NOS2: variants seen among roughly 807,000 people sequenced by gnomAD.
NOS2 encodes nitric oxide synthase 2.
A neutral mutation model predicts 136.0 loss-of-function variants in NOS2; 96 were observed. That is an observed-to-expected ratio of 0.71 (90% CI 0.60 to 0.84). The LOEUF is 0.84. NOS2 is among the 40% of genes least tolerant of loss of function. The probability of loss-of-function intolerance (pLI) is 0.00; values close to 1 mark genes in which losing one functional copy is unlikely to be tolerated. For synonymous variants in NOS2, 539 were observed against 587.5 expected, an observed-to-expected ratio of 0.92 and a Z score of 1.20; for missense variants, 1,237 against 1,496.9, an observed-to-expected ratio of 0.83 and a Z score of 2.87.
At position 27,773,247 on chromosome 17, in the gene NOS2, C is replaced by A. The variant is rs769702624; in HGVS notation, c.1477-4G>T. On this transcript the variant is annotated splice_region_variant and splice_polypyrimidine_tract_variant and intron_variant, in intron 12 of 26. Coordinates refer to ENST00000313735, the MANE Select transcript of NOS2 (RefSeq NM_000625.4). ...CATGGGTTTTCCAGGCCTCTACCTTCAGAAAAGAAAGGAGATGTGAGGGCA... is the reference window on the plus strand; with the variant it reads ...CATGGGTTTTCCAGGCCTCTACCTTAAGAAAAGAAAGGAGATGTGAGGGCA... 6.2e-6 allele frequency: 10 copies of A among 1,611,786 alleles called. No homozygotes were observed. Among genetic ancestry groups the A allele is most frequent in the Non-Finnish European group, 7.6e-6 (9 of 1,178,590 alleles).
In NOS2 at chr17:27,769,518, A is replaced by G; in HGVS notation, c.1859+17T>C. On this transcript the variant is annotated intron_variant, in intron 16 of 26. Transcript: ENST00000313735. The stretch of plus-strand genomic sequence containing the variant: ...CACAGGGCAGGGCTAGGAGTAGGAC[A>G]ACGGAAAAAGCTTTACCTGAATTTG... 1 of 1,611,090 alleles carries G rather than the reference A, an allele frequency of 6.2e-7. No individual in the cohort carries two copies. The highest frequency in any genetic ancestry group is 1.8e-4 in the Middle Eastern group (1 of 5,518).
intron 5 of NOS2, among the ~76,000 whole-genome samples, chr17:27,787,362 T>G (rs28942370): frequency 0.11 from 16,170 of 152,248 alleles, 1,000 homozygotes; most frequent in South Asian, 0.22. Context: ...CATTTTATAT[T>G]AGGTTGGTGC....
In NOS2 at chr17:27,759,787, C is replaced by G. The variant is rs547201131; in HGVS notation, c.3159+243G>C. On this transcript the variant is annotated intron_variant, in intron 25 of 26. Coordinates refer to ENST00000313735, the MANE Select transcript of NOS2 (RefSeq NM_000625.4). ...CAGGGGGCCTGCTGGGGACCTTCAG[C>G]AGGCTGGGCTCTGGGGTTAACCCGC... Among the ~76,000 whole-genome samples the G allele has an allele frequency of 2.0e-4, 30 of 152,304 alleles. No homozygotes were observed. In the South Asian group the frequency reaches 5.0e-3, roughly 25 times the overall value.
chr17:27,763,199 C>T (rs1908192100), intron 21 of NOS2, among the ~76,000 whole-genome samples, 194 bp from the exon 22 acceptor site: 1 of 152,218 alleles, frequency 6.6e-6, no homozygotes, highest in Admixed American at 6.5e-5. Context: ...CAGTCCAGTA[C>T]ATTTATCTAA....
At position 27,771,989 on chromosome 17, in the gene NOS2, A is replaced by G. The variant is rs188335535; in HGVS notation, c.1704+319T>C. ...CTTACTCATCTCTTCCCCCTTTCAC[A>G]TGCAGCACTGCATCCTGCAGAGCAG... On this transcript the variant is annotated intron_variant, in intron 14 of 26. Coordinates refer to ENST00000313735, the MANE Select transcript of NOS2 (RefSeq NM_000625.4). Among the ~76,000 whole-genome samples, 9 of 152,342 alleles carry G rather than the reference A, an allele frequency of 5.9e-5. No individual in the cohort carries two copies. In the East Asian group the frequency reaches 1.7e-3, roughly 29 times the overall value.
intron 26 of NOS2, 144 bp from the exon 27 acceptor site, chr17:27,757,497 G>T: frequency 1.4e-6 from 1 of 693,826 alleles, no homozygotes; most frequent in South Asian, 1.8e-5. Context: ...ATCTGGTTTA[G>T]ACCCTAACCC....
intron 24 of NOS2, 72 bp downstream of exon 24, chr17:27,760,551 G>A (rs1908085686): frequency 1.3e-6 from 2 of 1,544,056 alleles, no homozygotes; most frequent in Non-Finnish European, 8.8e-7. Flanking sequence ...CCGTTTGTGG[G>A]GCTGCAGTTC....
At position 27,769,698 on chromosome 17, in the gene NOS2, C is replaced by A. The variant is rs3730228; in HGVS notation, c.1810-114G>T. ...GCAGGAGAAGGCTCACAGCCCACCA[C>A]GGAAGTTGGTTTACATATGGGGCTA... On this transcript the variant is annotated intron_variant, in intron 15 of 26. Transcript: ENST00000313735. 993 of 912,898 alleles carry A rather than the reference C, an allele frequency of 1.1e-3. 2 individuals are homozygous for A. Among genetic ancestry groups the A allele is most frequent in the Non-Finnish European group, 1.7e-3 (945 of 555,644 alleles). 56.5% of individuals were successfully genotyped at this position (912,898 alleles called of 1,614,324 possible).
Position 27,766,513 on chromosome 17 carries a change from G to A in NOS2, c.2243C>T (p.Ser748Phe), listed in dbSNP as rs1294046156. The change falls in exon 19 of 27, where the codon TCC becomes TTC. Residue 748 changes from serine (S) to phenylalanine (F), a missense_variant. Around this residue, in one of 3 missense-constraint regions of NOS2, gnomAD observed 782 missense variants for 909.9 expected, o/e 0.86. Transcript: ENST00000313735. Reference sequence around the variant, plus strand: ...GAAGCCCTGCACTTTCCCTTACCTGGATGTCGGACTTTGTAGATTCTGCCG... The same window carrying A: ...GAAGCCCTGCACTTTCCCTTACCTGAATGTCGGACTTTGTAGATTCTGCCG... ...KSRQNLQSPT[S>F]SRATILVELS... 1 of 1,613,380 alleles carries A rather than the reference G, an allele frequency of 6.2e-7. No homozygotes were observed. Among genetic ancestry groups the A allele is most frequent in the Non-Finnish European group, 8.5e-7 (1 of 1,179,406 alleles).
intron 19 of NOS2, 105 bp downstream of exon 19, chr17:27,766,405 A>C (rs1908304158): frequency 3.8e-6 from 4 of 1,039,202 alleles, no homozygotes; most frequent in Non-Finnish European, 6.0e-6. Flanking sequence ...TAATGCCAGC[A>C]TATGCTCTTC....
chr17:27,792,815 CA>C (rs34992777), intron 2 of NOS2, among the ~76,000 whole-genome samples: 185 of 52,508 alleles, frequency 3.5e-3, no homozygotes, highest in Admixed American at 5.3e-3. Context: ...CCTATCTCTA[CA>C]AAAAAAAAAA....
chr17:27,760,224 C>G (rs773833350), intron 24 of NOS2, 46 bp from the exon 25 acceptor site: 2 of 1,496,294 alleles, frequency 1.3e-6, no homozygotes, highest in Non-Finnish European at 1.8e-6. Context: ...CACCAGAGGG[C>G]GCCAGGGCTC....
intron 5 of NOS2, among the ~76,000 whole-genome samples, chr17:27,785,662 G>C (rs140685633): frequency 8.5e-5 from 13 of 152,184 alleles, no homozygotes; most frequent in African/African-American, 3.1e-4. Context: ...TAGGGTTGTA[G>C]AAAACTGGAG....
At chr17:27,775,795 T>C (rs1397958091) in intron 11 of NOS2, among the ~76,000 whole-genome samples, 3 of 152,038 alleles carry the variant, frequency 2.0e-5, no homozygotes, top group Non-Finnish European at 4.4e-5. Context: ...AAAAAAAAAG[T>C]TCTTACATCA....
chr17:27,772,281 A>G (rs199571078), intron 14 of NOS2, 27 bp downstream of exon 14: 29 of 1,613,156 alleles, frequency 1.8e-5, no homozygotes, highest in Non-Finnish European at 2.5e-5. Flanking sequence ...AGCAGAAAAA[A>G]CAACAGCCAT....
chr17:27,794,370 C>T (rs1277692009), intron 2 of NOS2, among the ~76,000 whole-genome samples: 1 of 152,206 alleles, frequency 6.6e-6, no homozygotes, highest in Non-Finnish European at 1.5e-5. Context: ...CGGTGCCTTG[C>T]AGGCCCCTTG....
intron 2 of NOS2, among the ~76,000 whole-genome samples, chr17:27,790,458 C>T (rs534185276): frequency 1.9e-4 from 29 of 152,286 alleles, no homozygotes; most frequent in Middle Eastern, 6.8e-3. Flanking sequence ...GGTTTATTTA[C>T]TTATTCTACA....
intron 2 of NOS2, chr17:27,793,545 C>T (rs1377895128): frequency 5.0e-6 from 2 of 396,826 alleles, no homozygotes; most frequent in Non-Finnish European, 8.9e-6. Context: ...GGGCTCGGAG[C>T]CCACCGCTTC....
Position 27,775,919 on chromosome 17 carries a change from G to A in NOS2, c.1282-1468C>T, listed in dbSNP as rs145446362. On this transcript the variant is annotated intron_variant, in intron 11 of 26. Transcript: ENST00000313735. The stretch of plus-strand genomic sequence containing the variant: ...GCCAGGCACTGCATAAGGCATCGGC[G>A]TTATAGAAGGGAAAGACACAGCCCT... Among the ~76,000 whole-genome samples, 143 of 152,256 alleles carry A rather than the reference G, an allele frequency of 9.4e-4. 1 individual carries two copies. Among genetic ancestry groups the A allele is most frequent in the Non-Finnish European group, 4.4e-4 (30 of 68,048 alleles).
Sources: allele counts gnomAD v4.1 joint callset (sites outside exome capture counted in the v4.1 genomes callset), GRCh38; gene constraint gnomAD v4.1.1; regional missense constraint gnomAD v4.1.1; transcripts MANE v1.5; gene names NCBI Gene and HGNC (gene_info 2026-07-23, HGNC 2026-07-21).